Variants in RP1 observed in about 807,000 individuals in gnomAD.
RP1 encodes the protein RP1 axonemal microtubule associated, also known as oxygen-regulated protein 1.
Under a neutral mutation model 14.8 loss-of-function variants are expected in RP1, and 16 were observed. The observed-to-expected ratio is 1.08, with a 90% CI of 0.73 to 1.65. The LOEUF is 1.65. RP1 is among the 40% of genes most tolerant of loss of function. The pLI is 0.00. For synonymous variants in RP1, 876 were observed against 883.6 expected, an observed-to-expected ratio of 0.99 and a Z score of 0.15; for missense variants, 2,631 against 2,535.0, an observed-to-expected ratio of 1.04 and a Z score of -0.81.
intron 15 of RP1, among the ~76,000 whole-genome samples, chr8:54,710,865 C>G (rs568392990): frequency 1.3e-5 from 2 of 152,032 alleles, no homozygotes; most frequent in African/African-American, 4.8e-5. Flanking sequence ...TTGGAAAAGG[C>G]AACATTCGAC....
intron 15 of RP1, among the ~76,000 whole-genome samples, chr8:54,711,905 A>G (rs1358470688): frequency 6.6e-6 from 1 of 152,202 alleles, no homozygotes; most frequent in Non-Finnish European, 1.5e-5. Flanking sequence ...TTAAGAAATG[A>G]TCCAAAGACC....
chr8:54,627,470 C>G lies in RP1; in HGVS notation c.3588C>G (p.Leu1196=). Reference sequence around the variant, plus strand: ...AGTCAACTACAAGCCACTTTGGACTCAGTGAGAAAGAACAAGACATGGTTC... The same window carrying G: ...AGTCAACTACAAGCCACTTTGGACTGAGTGAGAAAGAACAAGACATGGTTC... The part of the protein sequence containing the change: ...LVESTTSHFG[L]SEKEQDMVPI... The change falls in exon 4 of 4, where the codon CTC becomes CTG. Residue 1196 remains leucine, a synonymous_variant. Coordinates refer to ENST00000220676, the MANE Select transcript of RP1 (RefSeq NM_006269.2). The G allele has an allele frequency of 6.2e-7, 1 of 1,614,134 alleles. No individual in the cohort carries two copies. The highest frequency in any genetic ancestry group is 1.1e-5 in the South Asian group (1 of 91,072).
At chr8:54,649,124 G>T in exon 4 of RP1, 1 of 1,505,302 alleles carries the variant, frequency 6.6e-7, no homozygotes, top group African/African-American at 1.4e-5. Flanking sequence ...CTCGATTTCA[G>T]GTTGGCCATG....
At chr8:54,747,081 C>T (rs528406308) in intron 19 of RP1, among the ~76,000 whole-genome samples, 61 of 152,046 alleles carry the variant, frequency 4.0e-4, no homozygotes, top group Non-Finnish European at 6.6e-4. Flanking sequence ...TCTATTTTTC[C>T]TCCATCTTAT....
At chr8:54,648,175 G>A (rs977781387) in intron 3 of RP1, among the ~76,000 whole-genome samples, 1 of 152,140 alleles carries the variant, frequency 6.6e-6, no homozygotes, top group Non-Finnish European at 1.5e-5. Flanking sequence ...GTGGAACTGT[G>A]AGTCAATTAA....
At chr8:54,662,395 G>T (rs1806920043) in intron 6 of RP1, among the ~76,000 whole-genome samples, 1 of 151,994 alleles carries the variant, frequency 6.6e-6, no homozygotes, top group Non-Finnish European at 1.5e-5. Context: ...GAAAACTGAG[G>T]CTTTGGTTAT....
chr8:54,792,379 C>T (rs1014875963), intron 24 of RP1, among the ~76,000 whole-genome samples: 4 of 151,864 alleles, frequency 2.6e-5, no homozygotes, highest in Non-Finnish European at 5.9e-5. Flanking sequence ...CAGACATATA[C>T]AGAACATTTC....
chr8:54,800,047 A>T (rs1810667426), intron 24 of RP1, among the ~76,000 whole-genome samples: 1 of 137,848 alleles, frequency 7.3e-6, no homozygotes, highest in Non-Finnish European at 1.7e-5. Context: ...ACATTTCCTC[A>T]GTTTCTGTTT....
At chr8:54,723,933 A>T (rs1276154279) in intron 16 of RP1, among the ~76,000 whole-genome samples, 1 of 152,218 alleles carries the variant, frequency 6.6e-6, no homozygotes, top group Non-Finnish European at 1.5e-5. Flanking sequence ...TTATGGTATG[A>T]GCCATCCTCT....
At chr8:54,672,190 C>T (rs1807195293) in intron 7 of RP1, among the ~76,000 whole-genome samples, 2 of 152,170 alleles carry the variant, frequency 1.3e-5, no homozygotes, top group African/African-American at 4.8e-5. Flanking sequence ...CAGGGCTGGC[C>T]TCTGTCTTTT....
intron 12 of RP1, among the ~76,000 whole-genome samples, chr8:54,685,253 GT>G (rs1245685295): frequency 6.6e-6 from 1 of 152,028 alleles, no homozygotes; most frequent in Admixed American, 6.6e-5. Flanking sequence ...GTGATGTTAG[GT>G]TGTTGATTTG....
intron 20 of RP1, among the ~76,000 whole-genome samples, chr8:54,755,360 A>C (rs1449303147): frequency 6.6e-6 from 1 of 152,244 alleles, no homozygotes; most frequent in Non-Finnish European, 1.5e-5. Context: ...ATAGAAGAAC[A>C]ACCTTATAAA....
chr8:54,837,438 T>C (rs1471510579), intron 24 of RP1: 2 of 1,178,364 alleles, frequency 1.7e-6, no homozygotes, highest in Admixed American at 4.2e-5. Context: ...CCTTTTATCC[T>C]TTGTGTTGCA....
chr8:54,791,568 T>C (rs954747862), intron 24 of RP1, among the ~76,000 whole-genome samples: 11 of 152,076 alleles, frequency 7.2e-5, no homozygotes, highest in Admixed American at 6.5e-5. Context: ...CAAATTGTAA[T>C]ATCAATAACA....
At chr8:54,576,286 C>T (rs1410379706) in intron 1 of RP1, among the ~76,000 whole-genome samples, 1 of 152,074 alleles carries the variant, frequency 6.6e-6, no homozygotes, top group Non-Finnish European at 1.5e-5. Flanking sequence ...ACTTCGTGAT[C>T]CGCCCGCCTC....
At chr8:54,680,494 A>G (rs1260388580) in intron 12 of RP1, among the ~76,000 whole-genome samples, 1 of 152,196 alleles carries the variant, frequency 6.6e-6, no homozygotes, top group Non-Finnish European at 1.5e-5. Context: ...TTATTTAAAC[A>G]ATATTTGCCT....
At chr8:54,852,443 A>G (rs1186817914) in intron 25 of RP1, 2 of 528,626 alleles carry the variant, frequency 3.8e-6, no homozygotes. Context: ...GGGTACATAG[A>G]AGAAAAAGAG....
intron 6 of RP1, among the ~76,000 whole-genome samples, chr8:54,658,395 C>G (rs1806802947): frequency 6.6e-6 from 1 of 150,604 alleles, no homozygotes; most frequent in African/African-American, 2.5e-5. Context: ...ACTAAAAATA[C>G]AAAAAAATAG....
chr8:54,768,922 A>T (rs1405100634), intron 22 of RP1, among the ~76,000 whole-genome samples: 2 of 141,506 alleles, frequency 1.4e-5, no homozygotes, highest in East Asian at 4.1e-4. Flanking sequence ...TTTGAGACGG[A>T]GTCTCACTCT....
Sources: allele counts gnomAD v4.1 joint callset (sites outside exome capture counted in the v4.1 genomes callset), GRCh38; gene constraint gnomAD v4.1.1; transcripts MANE v1.5; gene names NCBI Gene and HGNC (gene_info 2026-07-23, HGNC 2026-07-21).